Variants in USP16 observed in about 807,000 individuals in gnomAD.
The protein encoded by USP16 is ubiquitin carboxyl-terminal hydrolase 16.
USP16 carries 77 observed loss-of-function variants against 95.9 expected under a neutral mutation model. The ratio of observed to expected loss-of-function variants is 0.80; its 90% CI spans 0.67 to 0.97. The LOEUF (loss-of-function observed/expected upper bound fraction) is 0.97, where lower values mean the gene tolerates loss of function less well. Ranked by LOEUF, USP16 falls within the 50% of genes least tolerant of loss-of-function variation. The pLI is 0.00. For synonymous variants in USP16, 303 were observed against 318.2 expected (o/e 0.95, Z 0.51); for missense variants, 943 against 959.9 (o/e 0.98, Z 0.23).
At position 29,033,366 on chromosome 21, in the gene USP16, C is replaced by T. The variant is rs181639163; in HGVS notation, c.241-1471C>T. Among the ~76,000 whole-genome samples the T allele has an allele frequency of 1.7e-4, 26 of 152,206 alleles. 1 individual carries two copies. In the East Asian group the frequency reaches 3.5e-3, roughly 20 times the overall value. On this transcript the variant is annotated intron_variant, in intron 3 of 17. Coordinates refer to ENST00000399976, the MANE Select transcript of USP16 (RefSeq NM_006447.3). ...TAAATGTTCAGTGGGATAAATTAAG[C>T]GAATAGTGTTTGGGATCATAGTTAA...
chr21:29,048,990 CAGAA>C, intron 15 of USP16, 135 bp downstream of exon 15: 7 of 690,672 alleles, frequency 1.0e-5, no homozygotes, highest in South Asian at 4.3e-5. Flanking sequence ...TCAATGAAGT[CAGAA>C]AGGGAAAAAC....
intron 9 of USP16, 95 bp from the exon 10 acceptor site, chr21:29,040,514 G>C (rs2085227039): frequency 2.3e-6 from 1 of 426,960 alleles, no homozygotes; most frequent in Non-Finnish European, 3.9e-6. Flanking sequence ...ATGGGGAGCT[G>C]TATCCTGATC....
chr21:29,046,454 G>T (rs1006914281), intron 13 of USP16, among the ~76,000 whole-genome samples: 9 of 152,010 alleles, frequency 5.9e-5, no homozygotes, highest in Non-Finnish European at 1.0e-4. Context: ...AGCCAATTTC[G>T]TCATAATTTT....
chr21:29,053,986 TCAG>T (rs1241416019), intron 17 of USP16, 28 bp downstream of exon 17: 1 of 1,613,344 alleles, frequency 6.2e-7, no homozygotes, highest in Admixed American at 1.7e-5. Context: ...ATTCAGGCAC[TCAG>T]CAGATTACGG....
In USP16 at chr21:29,050,095, G is replaced by T. The variant is rs1441705147; in HGVS notation, c.2110G>T (p.Gly704Cys). 6.2e-7 allele frequency: 1 copy of T among 1,611,834 alleles called. No individual in the cohort carries two copies. Among genetic ancestry groups the T allele is most frequent in the Non-Finnish European group, 8.5e-7 (1 of 1,179,268 alleles). The change falls in exon 16 of 18, where the codon GGT becomes TGT. Residue 704 changes from glycine to cysteine, a missense_variant. Transcript: ENST00000399976. Reference protein sequence around the residue: ...TLHLKRFQQAGFNLRKVNKHI... With the variant: ...TLHLKRFQQACFNLRKVNKHI... ...ATCTGTTATGCTTCTCTTTTAGGCT[G>T]GTTTTAACCTACGCAAAGTTAACAA...
At chr21:29,038,194 T>C (rs2085190366) in intron 6 of USP16, 141 bp from the exon 7 acceptor site, 1 of 580,418 alleles carries the variant, frequency 1.7e-6, no homozygotes, top group African/African-American at 1.9e-5. Flanking sequence ...GAGAGAAGCA[T>C]CTGTAACTTT....
At chr21:29,031,851 TC>T (rs1002698677) in intron 3 of USP16, among the ~76,000 whole-genome samples, 59 of 152,108 alleles carry the variant, frequency 3.9e-4, no homozygotes, top group African/African-American at 1.4e-3. Context: ...TTTCTCAGAG[TC>T]CCCCAGTGGT....
chr21:29,025,704 A>G, intron 1 of USP16: 2 of 982,350 alleles, frequency 2.0e-6, no homozygotes, highest in Non-Finnish European at 2.4e-6. Context: ...TTTCTTTTTC[A>G]CCAGAACTTG....
At chr21:29,030,151 G>A (rs1357253878) in intron 2 of USP16, among the ~76,000 whole-genome samples, 1 of 151,950 alleles carries the variant, frequency 6.6e-6, no homozygotes, top group African/African-American at 2.4e-5. Flanking sequence ...CAGAATGTGA[G>A]CTACTCAAAG....
chr21:29,036,527 G>A (rs1253368721), intron 5 of USP16, among the ~76,000 whole-genome samples, 153 bp downstream of exon 5: 2 of 152,184 alleles, frequency 1.3e-5, no homozygotes, highest in African/African-American at 4.8e-5. Flanking sequence ...TTAACTATAA[G>A]GTATTAGAAG....
At chr21:29,045,709 C>A (rs1198816807) in intron 13 of USP16, among the ~76,000 whole-genome samples, 1 of 152,150 alleles carries the variant, frequency 6.6e-6, no homozygotes, top group East Asian at 1.9e-4. Context: ...GGATTACTTC[C>A]CTTAGCACAG....
chr21:29,032,915 A>C (rs1391444048), intron 3 of USP16, among the ~76,000 whole-genome samples: 1 of 152,082 alleles, frequency 6.6e-6, no homozygotes, highest in Non-Finnish European at 1.5e-5. Flanking sequence ...ATTCACTTTC[A>C]CTTTTTCTTC....
rs1188724092 is a variant in USP16, at chr21:29,040,669, C to T, written c.1012C>T (p.Leu338=). The T allele has an allele frequency of 6.5e-7, 1 of 1,536,502 alleles. No individual in the cohort carries two copies. The change falls in exon 10 of 18, where the codon CTA becomes TTA. Residue 338 remains leucine, a synonymous_variant. Transcript: ENST00000399976. ...TTCTACTGAAAAGTTGGATGAAGAACTAAAAAATAAAGTTAAAGGTAATGT... is the reference window on the plus strand; with the variant it reads ...TTCTACTGAAAAGTTGGATGAAGAATTAAAAAATAAAGTTAAAGGTAATGT... ...GNSTEKLDEE[L]KNKVKDYEKK... is the part of the protein sequence containing the mutation.
At chr21:29,035,297 A>G (rs1238294599) in intron 4 of USP16, among the ~76,000 whole-genome samples, 1 of 152,140 alleles carries the variant, frequency 6.6e-6, no homozygotes, top group Non-Finnish European at 1.5e-5. Context: ...CTGGTATGTT[A>G]TAGATGCTGC....
At chr21:29,050,294 G>T in intron 16 of USP16, 116 bp downstream of exon 16, 1 of 779,348 alleles carries the variant, frequency 1.3e-6, no homozygotes, top group Non-Finnish European at 2.0e-6. Flanking sequence ...GAGTAGAGTG[G>T]GTCTTTGATC....
chr21:29,047,190 A>G lies in USP16; in HGVS notation c.1880A>G (p.Asn627Ser), dbSNP rs1224484423. 2 of 1,614,200 alleles carry G rather than the reference A, an allele frequency of 1.2e-6. No homozygotes were observed. Among genetic ancestry groups the G allele is most frequent in the Non-Finnish European group, 1.7e-6 (2 of 1,180,022 alleles). ...ACTCTTGCAAACAGGGAAGTTTTCA[A>G]TACTGATGAGTGTTCAATCCAACAT... is the stretch of plus-strand genomic sequence containing the variant. ...FCTLANREVFNTDECSIQHCL... is the reference protein window; with the variant it reads ...FCTLANREVFSTDECSIQHCL... The change falls in exon 14 of 18, where the codon AAT becomes AGT. Residue 627 changes from asparagine to serine, a missense_variant. Coordinates refer to ENST00000399976, the MANE Select transcript of USP16 (RefSeq NM_006447.3).
chr21:29,046,518 C>G (rs2085325300), intron 13 of USP16, 149 bp from the exon 14 acceptor site: 1 of 892,434 alleles, frequency 1.1e-6, no homozygotes, highest in Non-Finnish European at 1.6e-6. Flanking sequence ...AGAGTGAACT[C>G]TTCCTTAGGA....
chr21:29,054,158 T>A lies in USP16; in HGVS notation c.2443T>A (p.Tyr815Asn). The change falls in exon 18 of 18, where the codon TAC becomes AAC. Residue 815 changes from tyrosine (Y) to asparagine (N), a missense_variant. Transcript: ENST00000399976. The stretch of plus-strand genomic sequence containing the variant: ...AACTAAAGTACTAAACTCACAAGCG[T>A]ACCTCCTATTTTATGAGAGAATACT... The part of the protein sequence containing the change: ...PTTKVLNSQA[Y>N]LLFYERIL The A allele has an allele frequency of 6.2e-7, 1 of 1,614,144 alleles. No homozygotes were observed. The highest frequency in any genetic ancestry group is 8.5e-7 in the Non-Finnish European group (1 of 1,179,966).
chr21:29,043,422 G>A lies in USP16; in HGVS notation c.1180-1G>A. The stretch of plus-strand genomic sequence containing the variant: ...TTGACCTATGTTATCTATATTTTAA[G>A]AGTGGTAAGAAAAGTGTAAATGATA... On this transcript the variant is annotated splice_acceptor_variant, in intron 12 of 17. Transcript: ENST00000399976. LOFTEE classifies it high-confidence loss of function. The A allele has an allele frequency of 6.7e-7, 1 of 1,495,816 alleles. No homozygotes were observed. Among genetic ancestry groups the A allele is most frequent in the African/African-American group, 1.4e-5 (1 of 69,842 alleles). The allele number at this position is 1,495,816 out of a possible 1,614,324, so 92.7% of individuals were successfully genotyped here.
Sources: allele counts gnomAD v4.1 joint callset (sites outside exome capture counted in the v4.1 genomes callset), GRCh38; gene constraint gnomAD v4.1.1; transcripts MANE v1.5; gene names NCBI Gene and HGNC (gene_info 2026-07-23, HGNC 2026-07-21).